The following NDUFA2 variants were observed in gnomAD, a reference collection of about 807,000 sequenced individuals.
NDUFA2 encodes NADH dehydrogenase [ubiquinone] 1 alpha subcomplex subunit 2.
NDUFA2 carries 9 observed loss-of-function variants against 11.4 expected under a neutral mutation model. That is an observed-to-expected ratio of 0.79 (90% CI 0.48 to 1.38). The LOEUF (loss-of-function observed/expected upper bound fraction) is 1.38, where lower values mean the gene tolerates loss of function less well. Ranked by LOEUF, NDUFA2 falls within the 40% of genes most tolerant of loss-of-function variation. NDUFA2 has a pLI of 0.00. For missense variants in NDUFA2, 150 were observed against 131.2 expected, an observed-to-expected ratio of 1.14 and a Z score of -0.70; for synonymous variants, 49 against 54.0, an observed-to-expected ratio of 0.91 and a Z score of 0.41.
At chr5:140,646,578 C>T (rs192291665) in intron 2 of NDUFA2, among the ~76,000 whole-genome samples, 9 of 152,230 alleles carry the variant, frequency 5.9e-5, no homozygotes, top group African/African-American at 1.9e-4. Context: ...GATTAAAATC[C>T]TGTTATTCAG....
chr5:140,647,334 G>A lies in NDUFA2; in HGVS notation c.130C>T (p.Leu44=). Residue 44 remains leucine, a synonymous_variant, in exon 2 of 3, where the codon CTG becomes TTG. Transcript: ENST00000252102. ...RDFIEKRYVE[L]KKANPDLPIL... ...GGTAGGTCGGGATTCGCCTTCTTCA[G>A]CTCCACGTAGCGTTTCTCAATGAAG... The A allele has an allele frequency of 1.2e-6, 2 of 1,606,302 alleles. No individual in the cohort carries two copies. The highest frequency in any genetic ancestry group is 1.1e-5 in the South Asian group (1 of 90,430).
rs981585970 is a variant in NDUFA2, at chr5:140,645,576, C to T, written c.*11G>A. The T allele has an allele frequency of 7.4e-6, 12 of 1,614,062 alleles. No homozygotes were observed. Among genetic ancestry groups the T allele is most frequent in the Admixed American group, 6.7e-5 (4 of 60,018 alleles). On this transcript the variant is annotated 3_prime_UTR_variant, in exon 3 of 3. Coordinates refer to ENST00000252102, the MANE Select transcript of NDUFA2 (RefSeq NM_002488.5). ...CTCTGGGGCTGTTGCTCTTAATCCTCAGTGGAGGCTTCAGGCTTTACCACT... is the reference window on the plus strand; with the variant it reads ...CTCTGGGGCTGTTGCTCTTAATCCTTAGTGGAGGCTTCAGGCTTTACCACT...
intron 2 of NDUFA2, among the ~76,000 whole-genome samples, chr5:140,646,169 C>T (rs2563332): frequency 0.21 from 31,346 of 151,874 alleles, 3,235 homozygotes; most frequent in African/African-American, 0.21. Flanking sequence ...CGCCACCACA[C>T]CCGGCTAATT....
Position 140,647,598 on chromosome 5 carries a change from A to C in NDUFA2, c.-15T>G. 6.2e-7 allele frequency: 1 copy of C among 1,607,990 alleles called. No individual in the cohort carries two copies. The highest frequency in any genetic ancestry group is 8.5e-7 in the Non-Finnish European group (1 of 1,179,546). Reference sequence around the variant, plus strand: ...GCCGCCGCCATCCTTGTTAATATCGAAGTCGCCAATTCCAGGTCTTCAGGC... The same window carrying C: ...GCCGCCGCCATCCTTGTTAATATCGCAGTCGCCAATTCCAGGTCTTCAGGC... On this transcript the variant is annotated 5_prime_UTR_variant, in exon 1 of 3. Coordinates refer to ENST00000252102, the MANE Select transcript of NDUFA2 (RefSeq NM_002488.5).
In NDUFA2 at chr5:140,647,579, G is replaced by A; in HGVS notation, c.5C>T (p.Ala2Val). Residue 2 changes from alanine (A) to valine (V), a missense_variant, in exon 1 of 3, where the codon GCG becomes GTG. Physicochemically the swap from Ala to Val is moderately conservative, Grantham distance 64. Transcript: ENST00000252102. ...GACTCCTCGACTTGCTGCGGCCGCC[G>A]CCATCCTTGTTAATATCGAAGTCGC... The part of the protein sequence containing the change: M[A>V]AAAASRGVGA... The A allele has an allele frequency of 6.2e-7, 1 of 1,609,944 alleles. No homozygotes were observed.
Position 140,645,617 on chromosome 5 carries a change from G to A in NDUFA2, c.270C>T (p.Ala90=), listed in dbSNP as rs772968344. 4 of 1,614,008 alleles carry A rather than the reference G, an allele frequency of 2.5e-6. No individual in the cohort carries two copies. Among genetic ancestry groups the A allele is most frequent in the Non-Finnish European group, 3.4e-6 (4 of 1,180,038 alleles). Residue 90 remains alanine (A), a synonymous_variant, in exon 3 of 3, where the codon GCC becomes GCT. Coordinates refer to ENST00000252102, the MANE Select transcript of NDUFA2 (RefSeq NM_002488.5). ...NNFSADQVTR[A]LENVLSGKA ...CTTTACCACTTAGAACGTTCTCCAG[G>A]GCTCTGGTTACCTGATCAGCACTGA... is the stretch of plus-strand genomic sequence containing the variant.
intron 1 of NDUFA2, 59 bp downstream of exon 1, chr5:140,647,424 G>C (rs769705612): frequency 6.2e-7 from 1 of 1,610,024 alleles, no homozygotes; most frequent in Admixed American, 1.7e-5. Flanking sequence ...ACTTCAGGGA[G>C]GTCGAGGTCG....
At chr5:140,646,009 CTTTT>C (rs5871744) in intron 2 of NDUFA2, among the ~76,000 whole-genome samples, 6 of 124,120 alleles carry the variant, frequency 4.8e-5, no homozygotes, top group Non-Finnish European at 8.4e-5. Context: ...CATTCTCTCT[CTTTT>C]TTTTTTTTTT....
In NDUFA2 at chr5:140,645,448, A is replaced by G; in HGVS notation, c.*139T>C. On this transcript the variant is annotated 3_prime_UTR_variant, in exon 3 of 3. Coordinates refer to ENST00000252102, the MANE Select transcript of NDUFA2 (RefSeq NM_002488.5). ...TTGCACAGTAAGGGGTAGAGGGTAG[A>G]TGAGGACAAGAACACCCTGAGAAAG... is the stretch of plus-strand genomic sequence containing the variant. The G allele has an allele frequency of 1.8e-6, 2 of 1,121,192 alleles. No individual in the cohort carries two copies. Among genetic ancestry groups the G allele is most frequent in the Non-Finnish European group, 2.6e-6 (2 of 761,368 alleles). The allele number at this position is 1,121,192 out of a possible 1,614,324, so 69.5% of individuals were successfully genotyped here. A position where few individuals can be genotyped will look rare whatever the true frequency, so the allele number is the denominator to read the frequency against.
At position 140,645,754 on chromosome 5, in the gene NDUFA2, CTT is replaced by C. The variant is rs1411412816; in HGVS notation, c.209-78_209-77del. 5 of 1,604,626 alleles carry C rather than the reference CTT, an allele frequency of 3.1e-6. No homozygotes were observed. The Admixed American group carries it at 8.5e-5, about 27-fold the overall frequency. On this transcript the variant is annotated intron_variant, in intron 2 of 2. Transcript: ENST00000252102. ...CCAAAGTAAAATAAAAGATCTTTGT[CTT>C]TATCTTAGTCTTGTTAAGACAGGAA...
At position 140,647,289 on chromosome 5, in the gene NDUFA2, A is replaced by T. The variant is rs766721362; in HGVS notation, c.175T>A (p.Ser59Thr). Residue 59 changes from serine (S) to threonine (T), a missense_variant, in exon 2 of 3, where the codon TCC becomes ACC. Ser to Thr is a moderately conservative substitution (Grantham distance 58). Coordinates refer to ENST00000252102, the MANE Select transcript of NDUFA2 (RefSeq NM_002488.5). ...PDLPILIRECSDVQPKLWARY... is the reference protein window; with the variant it reads ...PDLPILIRECTDVQPKLWARY... ...GCCCAGAGCTTGGGCTGCACATCGG[A>T]GCATTCGCGGATTAGGATGGGTAGG... 11 of 1,571,134 alleles carry T rather than the reference A, an allele frequency of 7.0e-6. No individual in the cohort carries two copies. In the African/African-American group the frequency reaches 1.4e-4, roughly 19 times the overall value.
intron 2 of NDUFA2, among the ~76,000 whole-genome samples, chr5:140,645,933 C>G (rs1456914675): frequency 6.6e-6 from 1 of 151,630 alleles, no homozygotes; most frequent in African/African-American, 2.4e-5. Flanking sequence ...TTCGGGGGCA[C>G]TGTAGGCATT....
At chr5:140,646,774 G>C (rs775843232) in intron 2 of NDUFA2, among the ~76,000 whole-genome samples, 7 of 152,104 alleles carry the variant, frequency 4.6e-5, no homozygotes, top group Non-Finnish European at 8.8e-5. Flanking sequence ...TTTAACAATA[G>C]TGCAAAACAA....
rs370747642 is a variant in NDUFA2, at chr5:140,645,560, T to A, written c.*27A>T. 5.0e-6 allele frequency: 8 copies of A among 1,613,846 alleles called. No homozygotes were observed. In the South Asian group the frequency reaches 8.8e-5, roughly 18 times the overall value. On this transcript the variant is annotated 3_prime_UTR_variant, in exon 3 of 3. Coordinates refer to ENST00000252102, the MANE Select transcript of NDUFA2 (RefSeq NM_002488.5). ...TCCAGCAGAGCCCAGGCTCTGGGGC[T>A]GTTGCTCTTAATCCTCAGTGGAGGC...
rs776402455 is a variant in NDUFA2, at chr5:140,647,354, A to G, written c.110T>C (p.Ile37Thr). ...CTTCAGCTCCACGTAGCGTTTCTCAATGAAGTCCCTGCGGGGCCGGAGAGA... is the reference window on the plus strand; with the variant it reads ...CTTCAGCTCCACGTAGCGTTTCTCAGTGAAGTCCCTGCGGGGCCGGAGAGA... ...SPGSQGVRDF[I>T]EKRYVELKKA... Residue 37 changes from isoleucine to threonine, a missense_variant, in exon 2 of 3, where the codon ATT (isoleucine) becomes ACT (threonine). Coordinates refer to ENST00000252102, the MANE Select transcript of NDUFA2 (RefSeq NM_002488.5). 16 of 1,609,712 alleles carry G rather than the reference A, an allele frequency of 9.9e-6. No homozygotes were observed. The highest frequency in any genetic ancestry group is 3.3e-5 in the South Asian group (3 of 90,836).
chr5:140,645,835 A>G (rs1311812135), intron 2 of NDUFA2, 157 bp from the exon 3 acceptor site: 2 of 1,307,698 alleles, frequency 1.5e-6, no homozygotes, highest in African/African-American at 1.5e-5. Context: ...AATTAATACA[A>G]TAGGTCTCAA....
intron 2 of NDUFA2, 73 bp downstream of exon 2, chr5:140,647,182 CT>C: frequency 1.0e-5 from 15 of 1,464,252 alleles, no homozygotes; most frequent in Non-Finnish European, 1.4e-5. Flanking sequence ...TCTGCACGAC[CT>C]TGGGCGGTCC....
rs1255080146 is a variant in NDUFA2 at position 140,647,476 on chromosome 5, G to A, written c.101+7C>T. The A allele has an allele frequency of 1.9e-6, 3 of 1,611,976 alleles. No homozygotes were observed. Among genetic ancestry groups the A allele is most frequent in the Non-Finnish European group, 2.5e-6 (3 of 1,179,832 alleles). Reference sequence around the variant, plus strand: ...AAGCCCGCCCGCCTCACCACGCCGCGCCTCACCTGACGCCCTGGCTGCCGG... The same window carrying A: ...AAGCCCGCCCGCCTCACCACGCCGCACCTCACCTGACGCCCTGGCTGCCGG... On this transcript the variant is annotated splice_region_variant and intron_variant, in intron 1 of 2. Coordinates refer to ENST00000252102, the MANE Select transcript of NDUFA2 (RefSeq NM_002488.5).
At chr5:140,647,069 G>T (rs1581475613) in intron 2 of NDUFA2, 187 bp downstream of exon 2, 2 of 666,910 alleles carry the variant, frequency 3.0e-6, no homozygotes, top group East Asian at 2.9e-5. Context: ...TACTTATGTT[G>T]CCCGGAATAC....
Sources: gnomAD v4.1 joint callset for allele counts (sites outside exome capture counted in the v4.1 genomes callset) on GRCh38, gnomAD v4.1.1 for gene constraint, MANE v1.5 for transcripts, NCBI Gene and HGNC (gene_info 2026-07-23, HGNC 2026-07-21) for gene names.